The following SHISA6 variants were observed in gnomAD, a reference collection of about 807,000 sequenced individuals.
SHISA6 encodes protein shisa-6.
In SHISA6, 22 loss-of-function variants were observed where a neutral mutation model predicts 47.9. That is an observed-to-expected ratio of 0.46 (90% CI 0.33 to 0.66). The LOEUF (loss-of-function observed/expected upper bound fraction) is 0.66, where lower values mean the gene tolerates loss of function less well. SHISA6 is among the 30% of genes least tolerant of loss of function. The probability of loss-of-function intolerance (pLI) is 0.02; values close to 1 mark genes in which losing one functional copy is unlikely to be tolerated. For missense variants in SHISA6, 680 were observed against 764.6 expected (o/e 0.89, Z 1.30); for synonymous variants, 388 against 337.8 (o/e 1.15, Z -1.63).
At chr17:11,311,590 G>A (rs1415028152) in intron 2 of SHISA6, among the ~76,000 whole-genome samples, 1 of 151,852 alleles carries the variant, frequency 6.6e-6, no homozygotes. Context: ...GAACAAATTT[G>A]GAAAATTCTT....
chr17:11,538,798 C>G (rs938089215), intron 3 of SHISA6, among the ~76,000 whole-genome samples: 3 of 152,188 alleles, frequency 2.0e-5, no homozygotes, highest in Non-Finnish European at 4.4e-5. Context: ...AGTTAAAATA[C>G]TTGCAGGCTC....
intron 3 of SHISA6, among the ~76,000 whole-genome samples, chr17:11,481,705 C>G (rs556761897): frequency 2.2e-3 from 332 of 152,022 alleles, no homozygotes; most frequent in African/African-American, 7.6e-3. Context: ...GTTGATCAGG[C>G]TGGTCTCGAA....
At chr17:11,387,275 A>C (rs205059) in intron 3 of SHISA6, among the ~76,000 whole-genome samples, 1 of 152,074 alleles carries the variant, frequency 6.6e-6, no homozygotes, top group African/African-American at 2.4e-5. Flanking sequence ...CAGGCACTCC[A>C]TGGGGTCTAA....
At chr17:11,370,693 C>A (rs890066248) in intron 2 of SHISA6, among the ~76,000 whole-genome samples, 13 of 152,156 alleles carry the variant, frequency 8.5e-5, no homozygotes, top group Non-Finnish European at 1.8e-4. Context: ...GATGAAAGCA[C>A]CATCTTGGAA....
chr17:11,485,835 G>C (rs1220025615), intron 3 of SHISA6, among the ~76,000 whole-genome samples: 1 of 151,880 alleles, frequency 6.6e-6, no homozygotes, highest in African/African-American at 2.4e-5. Context: ...GATGTGCTGA[G>C]GCATTTTTAT....
intron 2 of SHISA6, among the ~76,000 whole-genome samples, chr17:11,377,685 G>A (rs1912852183): frequency 6.6e-6 from 1 of 152,162 alleles, no homozygotes; most frequent in Admixed American, 6.5e-5. Flanking sequence ...ATAAATTGTG[G>A]GTAGAGCTGG....
intron 2 of SHISA6, among the ~76,000 whole-genome samples, chr17:11,356,161 C>T (rs1912072448): frequency 6.6e-6 from 1 of 152,220 alleles, no homozygotes; most frequent in African/African-American, 2.4e-5. Flanking sequence ...GTAGAATTAG[C>T]TTAATGAGCA....
At chr17:11,364,200 C>A (rs1374284723) in intron 2 of SHISA6, among the ~76,000 whole-genome samples, 2 of 152,180 alleles carry the variant, frequency 1.3e-5, no homozygotes, top group Non-Finnish European at 2.9e-5. Flanking sequence ...TATCCATCTC[C>A]CCCTTATCCA....
At chr17:11,556,430 G>A (rs529549866) in intron 5 of SHISA6, among the ~76,000 whole-genome samples, 2 of 152,252 alleles carry the variant, frequency 1.3e-5, no homozygotes, top group Admixed American at 1.3e-4. Flanking sequence ...TCTTGAGTCT[G>A]GGGAGACTCT....
At chr17:11,358,931 ATT>A (rs1912170301) in intron 2 of SHISA6, among the ~76,000 whole-genome samples, 2 of 152,152 alleles carry the variant, frequency 1.3e-5, no homozygotes. Context: ...AAGTGTTGGG[ATT>A]ACAGGGGTGA....
At chr17:11,289,976 G>A (rs1170298464) in intron 2 of SHISA6, 1 of 151,996 alleles carries the variant, frequency 6.6e-6, no homozygotes, top group Non-Finnish European at 1.5e-5. Flanking sequence ...TCTAACAGTA[G>A]GTATAACTGA....
chr17:11,410,102 A>C (rs540800781), intron 3 of SHISA6, among the ~76,000 whole-genome samples: 1 of 152,340 alleles, frequency 6.6e-6, no homozygotes, highest in Non-Finnish European at 1.5e-5. Flanking sequence ...CCAGTCTTCC[A>C]GGAGTCTTAA....
chr17:11,328,643 C>T (rs1910994971), intron 2 of SHISA6, among the ~76,000 whole-genome samples: 1 of 152,016 alleles, frequency 6.6e-6, no homozygotes, highest in Non-Finnish European at 1.5e-5. Context: ...AACAAATATC[C>T]CAACAAAAAC....
chr17:11,266,198 C>T lies in SHISA6; in HGVS notation c.799+2672C>T, dbSNP rs183607043. Among the ~76,000 whole-genome samples the T allele has an allele frequency of 2.0e-3, 306 of 152,310 alleles. 2 individuals are homozygous for T. The highest frequency in any genetic ancestry group is 7.0e-3 in the African/African-American group (291 of 41,570). Reference sequence around the variant, plus strand: ...GGAAATTTACTGTAATTTTGCCACTCATCAAATCAACAAACCATCAATTGT... The same window carrying T: ...GGAAATTTACTGTAATTTTGCCACTTATCAAATCAACAAACCATCAATTGT... On this transcript the variant is annotated intron_variant, in intron 2 of 5. Transcript: ENST00000441885.
At chr17:11,346,952 A>G (rs1452494856) in intron 2 of SHISA6, among the ~76,000 whole-genome samples, 2 of 152,206 alleles carry the variant, frequency 1.3e-5, no homozygotes, top group African/African-American at 2.4e-5. Flanking sequence ...TGTTCTTTGA[A>G]GGACAATGGC....
intron 3 of SHISA6, among the ~76,000 whole-genome samples, chr17:11,421,508 G>A (rs1476525392): frequency 6.6e-6 from 1 of 152,130 alleles, no homozygotes; most frequent in Non-Finnish European, 1.5e-5. Flanking sequence ...CCTAGGTCTT[G>A]TACTCCTAGC....
intron 2 of SHISA6, among the ~76,000 whole-genome samples, chr17:11,273,564 C>T (rs149857638): frequency 6.6e-6 from 1 of 152,254 alleles, no homozygotes; most frequent in African/African-American, 2.4e-5. Flanking sequence ...TAGCAACTTC[C>T]AAGGTCCTAC....
chr17:11,388,161 G>A (rs116311784), intron 3 of SHISA6, among the ~76,000 whole-genome samples: 21 of 152,294 alleles, frequency 1.4e-4, no homozygotes, highest in Non-Finnish European at 1.3e-4. Context: ...TTCACAGTCC[G>A]GAGAGCCAGG....
At chr17:11,525,458 C>T (rs2071667847) in intron 3 of SHISA6, among the ~76,000 whole-genome samples, 1 of 151,408 alleles carries the variant, frequency 6.6e-6, no homozygotes, top group East Asian at 2.0e-4. Flanking sequence ...CACGGTGAAA[C>T]CCCATCTCTA....
Sources: allele counts gnomAD v4.1 joint callset (sites outside exome capture counted in the v4.1 genomes callset), GRCh38; gene constraint gnomAD v4.1.1; transcripts MANE v1.5; gene names NCBI Gene and HGNC (gene_info 2026-07-23, HGNC 2026-07-21).